The following SH2D3A variants were observed in gnomAD, a reference collection of about 807,000 sequenced individuals.
The protein encoded by SH2D3A is SH2 domain containing 3A.
Under a neutral mutation model 50.6 loss-of-function variants are expected in SH2D3A, and 46 were observed. The observed-to-expected ratio is 0.91, with a 90% CI of 0.72 to 1.16. The LOEUF (loss-of-function observed/expected upper bound fraction) is 1.16. Among genes scored for constraint, SH2D3A ranks in the 50% most tolerant of loss-of-function variants. The probability of loss-of-function intolerance (pLI) is 0.00; values close to 1 mark genes in which losing one functional copy is unlikely to be tolerated. For missense variants in SH2D3A, 783 were observed against 786.2 expected, an observed-to-expected ratio of 1.00 and a Z score of 0.05; for synonymous variants, 377 against 348.4, an observed-to-expected ratio of 1.08 and a Z score of -0.91.
In SH2D3A at chr19:6,753,502, G is replaced by T. The variant is rs758150126; in HGVS notation, c.1524C>A (p.Val508=). 1.9e-6 allele frequency: 3 copies of T among 1,554,680 alleles called. No individual in the cohort carries two copies. The South Asian group carries it at 3.5e-5, about 18-fold the overall frequency. Residue 508 remains valine, a synonymous_variant, in exon 9 of 10, where the codon GTC becomes GTA. Transcript: ENST00000245908. The part of the protein sequence containing the change: ...LRTLHGARHM[V]RDAPKFRKVA... ...CCTTGCGGAATTTGGGTGCGTCCCG[G>T]ACCATGTGACGCGCCCCGTGCAGGG...
chr19:6,763,582 C>T, intron 2 of SH2D3A, 98 bp downstream of exon 2: 1 of 1,126,278 alleles, frequency 8.9e-7, no homozygotes, highest in Non-Finnish European at 1.3e-6. Context: ...CCCAATAGAC[C>T]TTGGCACTAA....
chr19:6,766,728 C>T (rs753423900), intron 1 of SH2D3A, among the ~76,000 whole-genome samples: 15 of 152,192 alleles, frequency 9.9e-5, no homozygotes, highest in Non-Finnish European at 1.5e-4. Context: ...AGACAGACTG[C>T]AAACGAGCAC....
At chr19:6,761,954 C>CAA (rs111334954) in intron 2 of SH2D3A, among the ~76,000 whole-genome samples, 2,752 of 67,132 alleles carry the variant, frequency 0.041, 112 homozygotes, top group African/African-American at 0.14. Flanking sequence ...GTCTCAAAAA[C>CAA]AAAAAAAAAA....
intron 8 of SH2D3A, 125 bp downstream of exon 8, chr19:6,753,927 G>T (rs928960666): frequency 5.8e-6 from 7 of 1,212,138 alleles, no homozygotes; most frequent in Non-Finnish European, 6.7e-6. Flanking sequence ...TCATGTGGAG[G>T]GCGGGGCCTA....
rs368587224 is a variant in SH2D3A, at chr19:6,755,179, C to T, written c.633G>A (p.Thr211=). 2.6e-5 allele frequency: 41 copies of T among 1,597,448 alleles called. No individual in the cohort carries two copies. Among genetic ancestry groups the T allele is most frequent in the East Asian group, 1.8e-4 (8 of 44,634 alleles). Residue 211 remains threonine, a synonymous_variant, in exon 5 of 10, where the codon ACG becomes ACA. Coordinates refer to ENST00000245908, the MANE Select transcript of SH2D3A (RefSeq NM_005490.3). The part of the protein sequence containing the change: ...SDGQLQAKAP[T]KPPRTPSFEL... ...CGAAGGAGGGTGTCCGGGGGGGCTT[C>T]GTTGGTGCCTTGGCTTGAAGCTGCC...
chr19:6,763,898 A>T, intron 1 of SH2D3A, 82 bp from the exon 2 acceptor site: 1 of 340,386 alleles, frequency 2.9e-6, no homozygotes, highest in Non-Finnish European at 5.2e-6. Flanking sequence ...AGACAGCTCC[A>T]TCAAATCTTT....
Position 6,754,310 on chromosome 19 carries a change from C to G in SH2D3A, c.1213G>C (p.Gly405Arg), listed in dbSNP as rs1969511852. The change falls in exon 7 of 10, where the codon GGG becomes CGG. Residue 405 changes from glycine to arginine, a missense_variant. By Grantham distance (125) the Gly-to-Arg change is moderately radical. Coordinates refer to ENST00000245908, the MANE Select transcript of SH2D3A (RefSeq NM_005490.3). ...AGCCCGGGCAGGTCCCCCGCCGCCCCTGGCCGCAGCGCCAGCGCCAGCTCT... is the reference window on the plus strand; with the variant it reads ...AGCCCGGGCAGGTCCCCCGCCGCCCGTGGCCGCAGCGCCAGCGCCAGCTCT... ...LVELALALRPGAAGDLPGLAA... is the reference protein window; with the variant it reads ...LVELALALRPRAAGDLPGLAA... 6.4e-7 allele frequency: 1 copy of G among 1,569,766 alleles called. No individual in the cohort carries two copies. Among genetic ancestry groups the G allele is most frequent in the Non-Finnish European group, 8.6e-7 (1 of 1,164,370 alleles).
In SH2D3A at chr19:6,760,976, A is replaced by C. The variant is rs548598782; in HGVS notation, c.81T>G (p.Ala27=). Reference sequence around the variant, plus strand: ...GGAAGTCGCCATTTTGCTGAAGAAGAGCTTCAGCCTTCTGTGGATGAAGTT... The same window carrying C: ...GGAAGTCGCCATTTTGCTGAAGAAGCGCTTCAGCCTTCTGTGGATGAAGTT... ...HGLLSRQKAE[A]LLQQNGDFLV... The change falls in exon 3 of 10, where the codon GCT becomes GCG. Residue 27 remains alanine (A), a synonymous_variant. Transcript: ENST00000245908. 1.8e-4 allele frequency: 285 copies of C among 1,609,392 alleles called. 1 individual carries two copies. The South Asian group carries it at 3.0e-3, about 17-fold the overall frequency.
Position 6,759,650 on chromosome 19 carries a change from C to T in SH2D3A, c.440G>A (p.Ser147Asn), listed in dbSNP as rs369847997. ...CATATGTGCCAAATCTGCAGGCTGA[C>T]TGTTGCTCCACTTCCTTGCCCTGGG... Reference protein sequence around the residue: ...EPLRARKWSNSQPADLAHMGR... With the variant: ...EPLRARKWSNNQPADLAHMGR... The change falls in exon 4 of 10, where the codon AGT becomes AAT. Residue 147 changes from serine (S) to asparagine (N), a missense_variant. Physicochemically the swap from Ser to Asn is conservative, Grantham distance 46 (BLOSUM62 1). Transcript: ENST00000245908. 8.7e-6 allele frequency: 14 copies of T among 1,613,820 alleles called. No homozygotes were observed. The African/African-American group carries it at 1.9e-4, about 22-fold the overall frequency.
intron 1 of SH2D3A, chr19:6,764,475 T>G (rs770972583): frequency 3.9e-5 from 6 of 152,166 alleles, no homozygotes; most frequent in Non-Finnish European, 5.9e-5. Context: ...ATGTAATTAA[T>G]GAATTCACTG....
chr19:6,753,754 C>G, intron 8 of SH2D3A, 113 bp from the exon 9 acceptor site: 2 of 1,188,722 alleles, frequency 1.7e-6, no homozygotes, highest in Non-Finnish European at 2.3e-6. Flanking sequence ...ACAGCGGGGT[C>G]TGTGGAGAGG....
chr19:6,756,542 C>G (rs1286256259), intron 4 of SH2D3A, among the ~76,000 whole-genome samples: 1 of 152,068 alleles, frequency 6.6e-6, no homozygotes, highest in African/African-American at 2.4e-5. Flanking sequence ...GACCCCTCCT[C>G]TAAGTTCCCT....
chr19:6,756,040 C>A, intron 4 of SH2D3A, among the ~76,000 whole-genome samples: 1 of 147,394 alleles, frequency 6.8e-6, no homozygotes. Context: ...CACTGCACTC[C>A]AGCTTGGATG....
At chr19:6,762,371 G>C (rs1176864039) in intron 2 of SH2D3A, among the ~76,000 whole-genome samples, 3 of 151,516 alleles carry the variant, frequency 2.0e-5, no homozygotes, top group Admixed American at 2.0e-4. Flanking sequence ...TTTTAGTAGA[G>C]AGGGGGTTTC....
intron 9 of SH2D3A, 37 bp from the exon 10 acceptor site, chr19:6,752,790 A>G (rs1969392182): frequency 1.3e-6 from 2 of 1,484,620 alleles, no homozygotes; most frequent in South Asian, 2.6e-5. Context: ...GGCGGGGCCC[A>G]GGCGCCCGCC....
intron 4 of SH2D3A, among the ~76,000 whole-genome samples, chr19:6,755,850 G>A (rs550158925): frequency 6.6e-6 from 1 of 151,780 alleles, no homozygotes; most frequent in Non-Finnish European, 1.5e-5. Context: ...AGGCCAAGGT[G>A]AGAGGATTGC....
intron 2 of SH2D3A, 167 bp from the exon 3 acceptor site, chr19:6,761,154 T>G: frequency 1.6e-6 from 1 of 612,104 alleles, no homozygotes; most frequent in African/African-American, 1.8e-5. Flanking sequence ...TCCCCCTTTC[T>G]CCTGGCACCT....
Position 6,755,299 on chromosome 19 carries a change from G to A in SH2D3A, c.513C>T (p.Pro171=). 3 of 1,513,450 alleles carry A rather than the reference G, an allele frequency of 2.0e-6. No individual in the cohort carries two copies. The highest frequency in any genetic ancestry group is 2.7e-6 in the Non-Finnish European group (3 of 1,130,932). 93.8% of individuals were successfully genotyped at this position (1,513,450 alleles called of 1,614,324 possible). ...DPAGMEASTM[P]ISALPRTSSD... ...TGCTCGTTCGGGGCAAGGCAGATAT[G>A]GGCATGGTGGAGGCTTCTAGAGGTC... Residue 171 remains proline, a synonymous_variant, in exon 5 of 10, where the codon CCC becomes CCT. Transcript: ENST00000245908.
intron 2 of SH2D3A, among the ~76,000 whole-genome samples, chr19:6,761,793 A>T (rs1456247463): frequency 6.6e-6 from 1 of 151,954 alleles, no homozygotes; most frequent in African/African-American, 2.4e-5. Flanking sequence ...ACCAAAAAAT[A>T]TAAAAATTAG....
Sources: gnomAD v4.1 joint callset for allele counts (sites outside exome capture counted in the v4.1 genomes callset) on GRCh38, gnomAD v4.1.1 for gene constraint, MANE v1.5 for transcripts, NCBI Gene and HGNC (gene_info 2026-07-23, HGNC 2026-07-21) for gene names.